The following CTNNA2 variants were observed in gnomAD, a reference collection of about 807,000 sequenced individuals.
CTNNA2 encodes catenin alpha-2.
Under a neutral mutation model 101.0 loss-of-function variants are expected in CTNNA2, and 42 were observed. The ratio of observed to expected loss-of-function variants is 0.42; its 90% confidence interval spans 0.32 to 0.54. The LOEUF (loss-of-function observed/expected upper bound fraction) is 0.54. Among genes scored for constraint, CTNNA2 ranks in the 20% least tolerant of loss-of-function variants. The pLI, the probability that CTNNA2 is intolerant of heterozygous loss-of-function variation, is 0.14. For missense variants in CTNNA2, 871 were observed against 1,223.1 expected, an observed-to-expected ratio of 0.71 and a Z score of 4.29; for synonymous variants, 450 against 456.4, an observed-to-expected ratio of 0.99 and a Z score of 0.18.
chr2:80,389,487 C>G (rs561467781), intron 7 of CTNNA2, among the ~76,000 whole-genome samples: 1 of 152,232 alleles, frequency 6.6e-6, no homozygotes, highest in East Asian at 1.9e-4. Flanking sequence ...CCGTCTGTGT[C>G]TCTGTCTCTC....
intron 4 of CTNNA2, among the ~76,000 whole-genome samples, chr2:79,419,560 A>T (rs539832790): frequency 6.6e-6 from 1 of 152,274 alleles, no homozygotes; most frequent in East Asian, 1.9e-4. Flanking sequence ...ACTGCTCAAA[A>T]TAGTGTATTT....
intron 4 of CTNNA2, among the ~76,000 whole-genome samples, chr2:79,867,498 A>G (rs1178167755): frequency 6.6e-6 from 1 of 152,082 alleles, no homozygotes; most frequent in Non-Finnish European, 1.5e-5. Flanking sequence ...GGGACCTTGG[A>G]CAGATTCTGC....
At chr2:80,396,295 C>T (rs1488567210) in intron 8 of CTNNA2, among the ~76,000 whole-genome samples, 3 of 152,170 alleles carry the variant, frequency 2.0e-5, no homozygotes, top group Non-Finnish European at 4.4e-5. Context: ...AAACCCATGA[C>T]AGGGGGCAGT....
At chr2:80,528,676 CA>C (rs1023190652) in intron 9 of CTNNA2, among the ~76,000 whole-genome samples, 2 of 151,592 alleles carry the variant, frequency 1.3e-5, no homozygotes, top group African/African-American at 2.4e-5. Flanking sequence ...CAACCCCCAC[CA>C]AAAAAATAAA....
chr2:80,475,334 G>A (rs1012169451), intron 9 of CTNNA2, among the ~76,000 whole-genome samples: 7 of 151,928 alleles, frequency 4.6e-5, no homozygotes, highest in Admixed American at 4.6e-4. Flanking sequence ...TAAATCTGTT[G>A]GTCCATGTAA....
At chr2:80,448,962 G>A (rs1347173258) in intron 9 of CTNNA2, among the ~76,000 whole-genome samples, 1 of 151,904 alleles carries the variant, frequency 6.6e-6, no homozygotes, top group Non-Finnish European at 1.5e-5. Context: ...CATATATTTG[G>A]TTAGCTACCT....
chr2:80,568,146 T>C (rs529770893), intron 12 of CTNNA2, among the ~76,000 whole-genome samples: 1 of 152,178 alleles, frequency 6.6e-6, no homozygotes, highest in Non-Finnish European at 1.5e-5. Context: ...CCTGAAAGAA[T>C]CCTGAGCTCA....
chr2:80,310,623 T>C (rs1677475312), intron 7 of CTNNA2, among the ~76,000 whole-genome samples: 1 of 152,212 alleles, frequency 6.6e-6, no homozygotes, highest in Non-Finnish European at 1.5e-5. Flanking sequence ...AGCTTTGATG[T>C]TAACAGAGTT....
At chr2:80,044,930 G>T (rs898874961) in intron 7 of CTNNA2, among the ~76,000 whole-genome samples, 6 of 152,104 alleles carry the variant, frequency 3.9e-5, no homozygotes, top group Non-Finnish European at 7.4e-5. Flanking sequence ...GAGATATGGG[G>T]TATGGATGCT....
At chr2:80,147,558 CA>C (rs1703431954) in intron 7 of CTNNA2, among the ~76,000 whole-genome samples, 1 of 152,210 alleles carries the variant, frequency 6.6e-6, no homozygotes. Flanking sequence ...GATTTTCCAA[CA>C]AAATGCCCCT....
chr2:80,095,671 C>T (rs1700100117), intron 7 of CTNNA2, among the ~76,000 whole-genome samples: 1 of 152,302 alleles, frequency 6.6e-6, no homozygotes, highest in African/African-American at 2.4e-5. Context: ...ATTGTTGCTT[C>T]AATTTCAGAG....
chr2:79,327,732 C>T lies in CTNNA2; in HGVS notation c.-318+14936C>T, dbSNP rs1162623246. Among the ~76,000 whole-genome samples, 5 of 152,158 alleles carry T rather than the reference C, an allele frequency of 3.3e-5. No homozygotes were observed. In the East Asian group the frequency reaches 9.7e-4, roughly 29 times the overall value. ...TATCAAAAATCTCCTCCTCACTAGT[C>T]TGTAAATGGCCTCAAAGTGGTTAAA... On this transcript the variant is annotated intron_variant, in intron 3 of 21. Transcript: ENST00000466387.
intron 14 of CTNNA2, chr2:80,586,672 C>A (rs1191846253): frequency 1.3e-5 from 2 of 152,104 alleles, no homozygotes; most frequent in African/African-American, 4.8e-5. Context: ...ATATCAAGCA[C>A]CTTTTCAAAT....
At position 80,601,417 on chromosome 2, in the gene CTNNA2, C is replaced by CTTTTTTTTTTTTTTTTTTT. The variant is rs375645223; in HGVS notation, c.2190-2654_2190-2653insTTTTTTTTTTTTTTTTTTT. Among the ~76,000 whole-genome samples the CTTTTTTTTTTTTTTTTTTT allele has an allele frequency of 3.9e-4, 37 of 94,178 alleles. 1 individual carries two copies. Among genetic ancestry groups the CTTTTTTTTTTTTTTTTTTT allele is most frequent in the African/African-American group, 8.9e-4 (23 of 25,744 alleles). 61.8% of individuals were successfully genotyped at this position (94,178 alleles called of 152,430 possible). A position where few individuals can be genotyped will look rare whatever the true frequency, so the allele number is the denominator to read the frequency against. On this transcript the variant is annotated intron_variant, in intron 15 of 18. Transcript: ENST00000402739. ...GATTTAATGACTTTTTTCTTTCTTT[C>CTTTTTTTTTTTTTTTTTTT]TTTCTTTTTTTTTTTTTTTGATGAG...
intron 7 of CTNNA2, among the ~76,000 whole-genome samples, chr2:80,319,024 A>G (rs148817552): frequency 1.3e-5 from 2 of 152,144 alleles, no homozygotes; most frequent in Non-Finnish European, 2.9e-5. Flanking sequence ...TTTAGAAGGT[A>G]TTATCAAATA....
chr2:79,202,512 GAAGA>G (rs1674050487), intron 2 of CTNNA2, among the ~76,000 whole-genome samples: 1 of 151,894 alleles, frequency 6.6e-6, no homozygotes, highest in Non-Finnish European at 1.5e-5. Flanking sequence ...GTTGTTCTTA[GAAGA>G]AAGATTGCGT....
chr2:79,366,441 T>A (rs1677753190), intron 3 of CTNNA2, among the ~76,000 whole-genome samples: 1 of 152,202 alleles, frequency 6.6e-6, no homozygotes, highest in African/African-American at 2.4e-5. Context: ...TTCCTAATTA[T>A]GTTCTCTTTT....
intron 7 of CTNNA2, among the ~76,000 whole-genome samples, chr2:79,949,206 A>T (rs1237434221): frequency 1.3e-5 from 2 of 152,128 alleles, no homozygotes; most frequent in African/African-American, 4.8e-5. Context: ...AATCACTTAT[A>T]TTTCATATTG....
At chr2:80,642,408 C>G (rs1214554072) in intron 18 of CTNNA2, among the ~76,000 whole-genome samples, 1 of 152,138 alleles carries the variant, frequency 6.6e-6, no homozygotes, top group Non-Finnish European at 1.5e-5. Flanking sequence ...GTATTGTGAG[C>G]TCTTGTGTTT....
Sources: allele counts gnomAD v4.1 joint callset (sites outside exome capture counted in the v4.1 genomes callset), GRCh38; gene constraint gnomAD v4.1.1; transcripts MANE v1.5; gene names NCBI Gene and HGNC (gene_info 2026-07-23, HGNC 2026-07-21).